Variants in LGR6 observed in about 807,000 individuals in gnomAD.
The protein encoded by LGR6 is leucine-rich repeat-containing G protein-coupled receptor 6.
Under a neutral mutation model 69.4 loss-of-function variants are expected in LGR6, and 45 were observed. The observed-to-expected ratio is 0.65, with a 90% confidence interval of 0.51 to 0.83. The LOEUF is 0.83. LGR6 is among the 40% of genes least tolerant of loss of function. The pLI, the probability that LGR6 is intolerant of heterozygous loss-of-function variation, is 0.00. For synonymous variants in LGR6, 538 were observed against 555.0 expected, an observed-to-expected ratio of 0.97 and a Z score of 0.43; for missense variants, 1,108 against 1,246.7, an observed-to-expected ratio of 0.89 and a Z score of 1.68.
chr1:202,259,777 G>A (rs1282136361), intron 4 of LGR6, among the ~76,000 whole-genome samples: 1 of 151,534 alleles, frequency 6.6e-6, no homozygotes, highest in Admixed American at 6.6e-5. Context: ...AACTCTGCAC[G>A]CTATCTCCTC....
intron 1 of LGR6, chr1:202,194,607 G>C (rs545336674): frequency 1.8e-6 from 1 of 544,316 alleles, no homozygotes; most frequent in Admixed American, 1.9e-5. Context: ...GTGGAGGTGA[G>C]GGGAGCGTGC....
intron 16 of LGR6, 36 bp from the exon 17 acceptor site, chr1:202,314,766 A>G (rs779902554): frequency 6.6e-7 from 1 of 1,509,710 alleles, no homozygotes; most frequent in Non-Finnish European, 9.2e-7. Flanking sequence ...TGACACCAAG[A>G]CCCAGGACCC....
chr1:202,238,955 G>T (rs1571870703), intron 4 of LGR6, among the ~76,000 whole-genome samples: 1 of 152,192 alleles, frequency 6.6e-6, no homozygotes, highest in Non-Finnish European at 1.5e-5. Flanking sequence ...CAAGAGCCTG[G>T]GTGCCGGCGG....
intron 4 of LGR6, among the ~76,000 whole-genome samples, chr1:202,263,834 G>A (rs1449025599): frequency 1.3e-5 from 2 of 152,206 alleles, no homozygotes; most frequent in Non-Finnish European, 2.9e-5. Flanking sequence ...AGGCACATTT[G>A]CATATGAAAT....
intron 1 of LGR6, among the ~76,000 whole-genome samples, chr1:202,205,946 AACACAC>A (rs754002869): frequency 7.2e-6 from 1 of 138,434 alleles, no homozygotes; most frequent in Non-Finnish European, 1.6e-5. Context: ...ATCCTTCAAG[AACACAC>A]ACACACACAG....
intron 15 of LGR6, among the ~76,000 whole-genome samples, chr1:202,309,516 G>A (rs1484800703): frequency 6.6e-6 from 1 of 152,250 alleles, no homozygotes; most frequent in Admixed American, 6.5e-5. Flanking sequence ...CCTCACTTGG[G>A]CAGCATCTGA....
chr1:202,194,177 A>G lies in LGR6; in HGVS notation c.188A>G (p.Asp63Gly). 2 of 1,561,662 alleles carry G rather than the reference A, an allele frequency of 1.3e-6. No homozygotes were observed. Among genetic ancestry groups the G allele is most frequent in the East Asian group, 2.5e-5 (1 of 40,614 alleles). The change falls in exon 1 of 18, where the codon GAC becomes GGC. Residue 63 changes from aspartate to glycine, a missense_variant. Asp to Gly is a moderately conservative substitution (Grantham distance 94). Transcript: ENST00000367278. The part of the protein sequence containing the change: ...SELGLSAVPG[D>G]LDPLTAYLDL... Reference sequence around the variant, plus strand: ...CTCGGGCTGTCCGCCGTTCCGGGGGACCTGGACCCCCTGACGGCTTACCTG... The same window carrying G: ...CTCGGGCTGTCCGCCGTTCCGGGGGGCCTGGACCCCCTGACGGCTTACCTG...
intron 3 of LGR6, among the ~76,000 whole-genome samples, chr1:202,230,618 C>T (rs902330445): frequency 5.9e-5 from 9 of 152,174 alleles, no homozygotes; most frequent in Non-Finnish European, 8.8e-5. Flanking sequence ...CATCTTGACC[C>T]GTGGACTAAG....
chr1:202,261,099 A>G (rs937773405), intron 4 of LGR6, among the ~76,000 whole-genome samples: 1 of 151,844 alleles, frequency 6.6e-6, no homozygotes, highest in Non-Finnish European at 1.5e-5. Flanking sequence ...TATTATTATT[A>G]TACTTTAAGT....
At chr1:202,307,455 G>T (rs2148287391) in intron 14 of LGR6, 54 bp downstream of exon 14, 1 of 1,569,340 alleles carries the variant, frequency 6.4e-7, no homozygotes, top group African/African-American at 1.3e-5. Flanking sequence ...CGGGACTATG[G>T]GCTGGCCAAT....
In LGR6 at chr1:202,268,033, G is replaced by A. The variant is rs1464843717; in HGVS notation, c.429-8273G>A. Among the ~76,000 whole-genome samples, 1 of 152,194 alleles carries A rather than the reference G, an allele frequency of 6.6e-6. No homozygotes were observed. Among genetic ancestry groups the A allele is most frequent in the Non-Finnish European group, 1.5e-5 (1 of 68,024 alleles). ...ACAGAATGCAGGCTGTGTTCTCCAG[G>A]AGAGAGGCTGGGAGGGGTGTCAGTC... On this transcript the variant is annotated intron_variant, in intron 4 of 17. Transcript: ENST00000367278. The surrounding 1 kb of genome is among the most constrained non-coding windows in gnomAD (Gnocchi z 4.4).
chr1:202,197,360 G>C, intron 1 of LGR6: 2 of 530,128 alleles, frequency 3.8e-6, no homozygotes, highest in South Asian at 1.4e-5. Context: ...TGCCAGCCCT[G>C]TTTGATCAAG....
chr1:202,227,678 G>T (rs530290043), intron 2 of LGR6, among the ~76,000 whole-genome samples: 3 of 152,298 alleles, frequency 2.0e-5, no homozygotes, highest in South Asian at 4.1e-4. Flanking sequence ...GACTGGTTCT[G>T]TGACCCCTAG....
In LGR6 at chr1:202,238,412, CTTTTTTTTT is replaced by C. The variant is rs60376943; in HGVS notation, c.428+2437_428+2445del. 1.2e-3 allele frequency among the ~76,000 whole-genome samples: 102 copies of C among 83,982 alleles called. 1 individual carries two copies. The highest frequency in any genetic ancestry group is 4.5e-3 in the African/African-American group (99 of 22,242). 55.1% of individuals were successfully genotyped at this position (83,982 alleles called of 152,430 possible). On this transcript the variant is annotated intron_variant, in intron 4 of 17. Coordinates refer to ENST00000367278, the MANE Select transcript of LGR6 (RefSeq NM_001017403.2). ...GTAAGCCACTGTGCCCAGCCTGATC[CTTTTTTTTT>C]TTTTTTTTTTTTTTTTTAAGACAGA...
chr1:202,275,124 T>A (rs535402244), intron 4 of LGR6, among the ~76,000 whole-genome samples: 128 of 152,308 alleles, frequency 8.4e-4, no homozygotes, highest in Non-Finnish European at 1.6e-3. Flanking sequence ...ACTGATCATA[T>A]CACTTCTCCT....
intron 17 of LGR6, among the ~76,000 whole-genome samples, chr1:202,316,809 A>G (rs1654179906): frequency 1.3e-5 from 2 of 152,246 alleles, no homozygotes; most frequent in South Asian, 4.1e-4. Context: ...ACATTGAAGA[A>G]CAAGAGTGGA....
chr1:202,300,712 C>T (rs1667524389), intron 7 of LGR6, 137 bp from the exon 8 acceptor site: 3 of 543,510 alleles, frequency 5.5e-6, no homozygotes, highest in South Asian at 3.9e-5. Flanking sequence ...TGAATCTGAA[C>T]CTGGAATCTC....
chr1:202,228,059 G>A (rs1221356521), intron 3 of LGR6, 52 bp downstream of exon 3: 1 of 1,348,176 alleles, frequency 7.4e-7, no homozygotes, highest in African/African-American at 1.4e-5. Flanking sequence ...TGAGAATGGT[G>A]AGCAAATCAA....
intron 1 of LGR6, among the ~76,000 whole-genome samples, chr1:202,225,062 C>T (rs753846887): frequency 6.6e-6 from 1 of 152,224 alleles, no homozygotes; most frequent in Non-Finnish European, 1.5e-5. Context: ...TCCCTTCCTG[C>T]TCTGAAATTC....
Sources: allele counts gnomAD v4.1 joint callset (sites outside exome capture counted in the v4.1 genomes callset), GRCh38; gene constraint gnomAD v4.1.1; non-coding constraint Gnocchi (gnomAD v3.1); transcripts MANE v1.5; gene names NCBI Gene and HGNC (gene_info 2026-07-23, HGNC 2026-07-21).